HNRNPLL: variants seen among roughly 807,000 people sequenced by gnomAD.
HNRNPLL encodes the protein heterogeneous nuclear ribonucleoprotein L like, also known as heterogeneous nuclear ribonucleoprotein L-like.
In HNRNPLL, 25 loss-of-function variants were observed where a neutral mutation model predicts 67.1. The ratio of observed to expected loss-of-function variants is 0.37; its 90% CI spans 0.27 to 0.52. The LOEUF (loss-of-function observed/expected upper bound fraction) is 0.52, where lower values mean the gene tolerates loss of function less well. HNRNPLL is among the 20% of genes least tolerant of loss of function. The pLI, the probability that HNRNPLL is intolerant of heterozygous loss-of-function variation, is 0.90. For missense variants in HNRNPLL, 542 were observed against 673.9 expected (o/e 0.80, Z 2.17); for synonymous variants, 267 against 241.7 (o/e 1.10, Z -0.97).
intron 1 of HNRNPLL, among the ~76,000 whole-genome samples, chr2:38,599,091 C>A (rs981924896): frequency 6.6e-6 from 1 of 152,194 alleles, no homozygotes; most frequent in African/African-American, 2.4e-5. Context: ...TTACATTGTG[C>A]AAGTATAACA....
At chr2:38,589,570 C>G (rs1301982573) in intron 2 of HNRNPLL, among the ~76,000 whole-genome samples, 1 of 152,114 alleles carries the variant, frequency 6.6e-6, no homozygotes, top group Admixed American at 6.5e-5. Flanking sequence ...ACATAACTAC[C>G]AATCTTGAGG....
chr2:38,598,057 C>T lies in HNRNPLL; in HGVS notation c.189+4381G>A, dbSNP rs181101174. ...ATGTAATAGAAATCATTTGGTTTTG[C>T]CTACCCAGAATTCCTTACCCGTTCT... On this transcript the variant is annotated intron_variant, in intron 1 of 12. Coordinates refer to ENST00000449105, the MANE Select transcript of HNRNPLL (RefSeq NM_138394.4). 8.3e-3 allele frequency among the ~76,000 whole-genome samples: 1,264 copies of T among 151,598 alleles called. 65 individuals carry two copies. The highest frequency in any genetic ancestry group is 0.075 in the Admixed American group (1,145 of 15,224).
Position 38,602,824 on chromosome 2 carries a change from G to A in HNRNPLL, c.-198C>T, listed in dbSNP as rs1357698304. ...ACGGACTGAGGGGGGCGCCCCGGGAGGAAGCTCTGGAGCGGCCGCTCCTCT... is the reference window on the plus strand; with the variant it reads ...ACGGACTGAGGGGGGCGCCCCGGGAAGAAGCTCTGGAGCGGCCGCTCCTCT... On this transcript the variant is annotated 5_prime_UTR_variant, in exon 1 of 13. Coordinates refer to ENST00000449105, the MANE Select transcript of HNRNPLL (RefSeq NM_138394.4). The A allele has an allele frequency of 3.9e-6, 6 of 1,546,866 alleles. No individual in the cohort carries two copies. Among genetic ancestry groups the A allele is most frequent in the East Asian group, 4.9e-5 (2 of 40,422 alleles).
At position 38,591,611 on chromosome 2, in the gene HNRNPLL, G is replaced by C. The variant is rs756368571; in HGVS notation, c.227C>G (p.Pro76Arg). ...GGSHHKVSVS[P>R]VVHVRGLCES... The stretch of plus-strand genomic sequence containing the variant: ...ACAGAGTCCTCGAACATGGACGACG[G>C]GTGAAACAGAAACTTTATGATGACT... The change falls in exon 2 of 13, where the codon CCC becomes CGC. Residue 76 changes from proline (P) to arginine (R), a missense_variant. Coordinates refer to ENST00000449105, the MANE Select transcript of HNRNPLL (RefSeq NM_138394.4). 1 of 1,613,474 alleles carries C rather than the reference G, an allele frequency of 6.2e-7. No individual in the cohort carries two copies. Among genetic ancestry groups the C allele is most frequent in the South Asian group, 1.1e-5 (1 of 91,068 alleles).
At chr2:38,575,849 C>CT (rs1031906798) in intron 7 of HNRNPLL, among the ~76,000 whole-genome samples, 3 of 151,710 alleles carry the variant, frequency 2.0e-5, no homozygotes, top group African/African-American at 7.2e-5. Context: ...GCTTTTTCCC[C>CT]TATTACTCAT....
intron 4 of HNRNPLL, among the ~76,000 whole-genome samples, chr2:38,582,798 T>C (rs1390516247): frequency 6.6e-6 from 1 of 151,386 alleles, no homozygotes; most frequent in African/African-American, 2.4e-5. Context: ...CAGGTGCCTG[T>C]CATCCCAGCT....
Position 38,602,622 on chromosome 2 carries a change from G to A in HNRNPLL, c.5C>T (p.Ser2Phe). Residue 2 changes from serine to phenylalanine, a missense_variant, in exon 1 of 13, where the codon TCC becomes TTC. Around this residue, in one of 2 missense-constraint regions of HNRNPLL, gnomAD observed 127 missense variants for 98.7 expected, o/e 1.29. Transcript: ENST00000449105. Reference protein sequence around the residue: MSSSSSSPRETY... With the variant: MFSSSSSPRETY... ...CTCCCTGGGGGAGGAAGAGGAGGAG[G>A]ACATGGCGGCGGCCGGAGGGACCGG... 2.0e-6 allele frequency: 3 copies of A among 1,525,038 alleles called. No homozygotes were observed. Among genetic ancestry groups the A allele is most frequent in the East Asian group, 5.3e-5 (2 of 37,804 alleles). 94.5% of individuals were successfully genotyped at this position (1,525,038 alleles called of 1,614,324 possible). A position where few individuals can be genotyped will look rare whatever the true frequency, so the allele number is the denominator to read the frequency against.
chr2:38,600,479 C>T (rs1006499669), intron 1 of HNRNPLL, among the ~76,000 whole-genome samples: 1 of 152,094 alleles, frequency 6.6e-6, no homozygotes, highest in Non-Finnish European at 1.5e-5. Flanking sequence ...GTAATCCCAG[C>T]ACTTTGGGAG....
chr2:38,568,473 A>T, intron 10 of HNRNPLL, 30 bp from the exon 11 acceptor site: 2 of 1,444,120 alleles, frequency 1.4e-6, no homozygotes, highest in Non-Finnish European at 1.9e-6. Context: ...TTCATTAAAA[A>T]TATAGCCAAA....
intron 2 of HNRNPLL, among the ~76,000 whole-genome samples, chr2:38,587,071 C>T (rs1304944323): frequency 1.3e-5 from 2 of 152,104 alleles, no homozygotes; most frequent in African/African-American, 4.8e-5. Flanking sequence ...AAGTGGTTTT[C>T]GTAATAGCAG....
chr2:38,581,999 AAATAATGT>A lies in HNRNPLL; in HGVS notation c.730-22_730-15del, dbSNP rs1157496485. 6.2e-7 allele frequency: 1 copy of A among 1,609,352 alleles called. No homozygotes were observed. Among genetic ancestry groups the A allele is most frequent in the Non-Finnish European group, 8.5e-7 (1 of 1,175,954 alleles). ...TAGACGAGTTGGCTGTTAAGATTGA[AAATAATGT>A]AAGTTCAAACTGCATATCCAAAGCA... On this transcript the variant is annotated splice_polypyrimidine_tract_variant and intron_variant, in intron 5 of 12. Coordinates refer to ENST00000449105, the MANE Select transcript of HNRNPLL (RefSeq NM_138394.4).
In HNRNPLL at chr2:38,564,119, A is replaced by C; in HGVS notation, c.*63T>G. 1.0e-6 allele frequency: 1 copy of C among 980,996 alleles called. No individual in the cohort carries two copies. The highest frequency in any genetic ancestry group is 1.6e-6 in the Non-Finnish European group (1 of 613,988). The allele number at this position is 980,996 out of a possible 1,614,324, so 60.8% of individuals were successfully genotyped here. A position where few individuals can be genotyped will look rare whatever the true frequency, so the allele number is the denominator to read the frequency against. On this transcript the variant is annotated 3_prime_UTR_variant, in exon 13 of 13. Transcript: ENST00000449105. ...GATCAACCATTTTAGATTTTTTTTT[A>C]ATGAAGTGTAGCTTTGAAATTGTAA...
At chr2:38,572,131 C>T (rs1466343780) in intron 8 of HNRNPLL, among the ~76,000 whole-genome samples, 3 of 152,152 alleles carry the variant, frequency 2.0e-5, no homozygotes, top group Non-Finnish European at 4.4e-5. Context: ...TCTCCCAATG[C>T]TACTAAACCT....
chr2:38,564,212 C>T lies in HNRNPLL; in HGVS notation c.1599G>A (p.Lys533=). The change falls in exon 13 of 13, where the codon AAG becomes AAA. Residue 533 remains lysine, a synonymous_variant. Transcript: ENST00000449105. Reference sequence around the variant, plus strand: ...AATGGGATGATGTAGAAAAGCAAAGCTTCAATGTATAGGGATTGGAACCAT... The same window carrying T: ...AATGGGATGATGTAGAAAAGCAAAGTTTCAATGTATAGGGATTGGAACCAT... ...VPNGSNPYTL[K]LCFSTSSHL The T allele has an allele frequency of 1.3e-6, 2 of 1,565,354 alleles. No homozygotes were observed. Among genetic ancestry groups the T allele is most frequent in the Non-Finnish European group, 1.8e-6 (2 of 1,136,608 alleles).
At chr2:38,593,962 CA>C (rs1381590736) in intron 1 of HNRNPLL, among the ~76,000 whole-genome samples, 2 of 152,038 alleles carry the variant, frequency 1.3e-5, no homozygotes. Context: ...ATCACAAGGT[CA>C]GGAGTTCGAG....
chr2:38,585,906 C>T (rs759230694), intron 2 of HNRNPLL, 25 bp from the exon 3 acceptor site: 2 of 1,312,014 alleles, frequency 1.5e-6, no homozygotes, highest in Non-Finnish European at 2.2e-6. Context: ...AAGGAGGAAA[C>T]ACACAAACAC....
At chr2:38,591,308 T>C (rs1184257469) in intron 2 of HNRNPLL, among the ~76,000 whole-genome samples, 1 of 152,178 alleles carries the variant, frequency 6.6e-6, no homozygotes, top group East Asian at 1.9e-4. Flanking sequence ...GAGTGAGAAG[T>C]GATCATAGCT....
At chr2:38,575,717 A>G (rs2148348986) in intron 7 of HNRNPLL, among the ~76,000 whole-genome samples, 1 of 151,968 alleles carries the variant, frequency 6.6e-6, no homozygotes, top group South Asian at 2.1e-4. Flanking sequence ...AAGGTCATCT[A>G]TAAGGTGATC....
chr2:38,575,245 C>G (rs1435805544), intron 7 of HNRNPLL, among the ~76,000 whole-genome samples: 1 of 151,684 alleles, frequency 6.6e-6, no homozygotes, highest in Non-Finnish European at 1.5e-5. Flanking sequence ...TAAGAAAAAT[C>G]AGACGTCTTT....
Sources: allele counts gnomAD v4.1 joint callset (sites outside exome capture counted in the v4.1 genomes callset), GRCh38; gene constraint gnomAD v4.1.1; regional missense constraint gnomAD v4.1.1; transcripts MANE v1.5; gene names NCBI Gene and HGNC (gene_info 2026-07-23, HGNC 2026-07-21).